ALX4: variants seen among roughly 807,000 people sequenced by gnomAD.
The protein encoded by ALX4 is ALX homeobox 4, also known as homeobox protein aristaless-like 4.
A neutral mutation model predicts 40.6 loss-of-function variants in ALX4; 22 were observed. The ratio of observed to expected loss-of-function variants is 0.54; its 90% CI spans 0.39 to 0.77. The LOEUF (loss-of-function observed/expected upper bound fraction) is 0.77, where lower values mean the gene tolerates loss of function less well. Ranked by LOEUF, ALX4 falls within the 30% of genes least tolerant of loss-of-function variation. The probability of loss-of-function intolerance (pLI) is 0.00; values close to 1 mark genes in which losing one functional copy is unlikely to be tolerated. For synonymous variants in ALX4, 266 were observed against 240.5 expected (o/e 1.11, Z -0.98); for missense variants, 556 against 564.8 (o/e 0.98, Z 0.16).
chr11:44,285,511 CA>C (rs1413180718), intron 1 of ALX4, among the ~76,000 whole-genome samples: 2 of 152,146 alleles, frequency 1.3e-5, no homozygotes, highest in Non-Finnish European at 2.9e-5. Context: ...ATATGAAGTT[CA>C]ATTATCCACA....
At chr11:44,283,505 G>A (rs1346313740) in intron 1 of ALX4, among the ~76,000 whole-genome samples, 1 of 152,178 alleles carries the variant, frequency 6.6e-6, no homozygotes, top group African/African-American at 2.4e-5. Flanking sequence ...ATAGGGGATT[G>A]GTTAAATAAA....
At chr11:44,286,335 G>A (rs1393112810) in intron 1 of ALX4, among the ~76,000 whole-genome samples, 2 of 152,192 alleles carry the variant, frequency 1.3e-5, no homozygotes, top group Non-Finnish European at 2.9e-5. Flanking sequence ...GGAGGGGTAT[G>A]AGAAGAGGAG....
rs145322526 is a variant in ALX4, at chr11:44,267,929, C to T, written c.778-307G>A. ...GTGTCACCACCTATAAAACAAGTCA[C>T]TGGTCATCTTAGCAGTCATCTAAGC... On this transcript the variant is annotated intron_variant, in intron 2 of 3. Coordinates refer to ENST00000652299, the MANE Select transcript of ALX4 (RefSeq NM_021926.4). 9.2e-5 allele frequency among the ~76,000 whole-genome samples: 14 copies of T among 152,340 alleles called. No homozygotes were observed. The East Asian group carries it at 1.3e-3, about 15-fold the overall frequency.
chr11:44,272,834 T>A (rs1424257417), intron 2 of ALX4, among the ~76,000 whole-genome samples: 1 of 150,792 alleles, frequency 6.6e-6, no homozygotes, highest in East Asian at 1.9e-4. Context: ...AAAAAAAAAA[T>A]GGCAGGCTGC....
intron 1 of ALX4, among the ~76,000 whole-genome samples, chr11:44,304,271 G>C (rs1008798937): frequency 6.6e-6 from 1 of 152,250 alleles, no homozygotes; most frequent in Admixed American, 6.5e-5. Flanking sequence ...CCTGGCAGGC[G>C]ACGTCCGGGT....
At chr11:44,297,444 G>A (rs554242452) in intron 1 of ALX4, among the ~76,000 whole-genome samples, 11 of 152,266 alleles carry the variant, frequency 7.2e-5, no homozygotes, top group South Asian at 2.1e-4. Flanking sequence ...GGGGCCAGGC[G>A]CGGTGGCTTA....
chr11:44,295,508 G>A (rs902077382), intron 1 of ALX4, among the ~76,000 whole-genome samples: 2 of 152,240 alleles, frequency 1.3e-5, no homozygotes, highest in African/African-American at 4.8e-5. Context: ...AGGGGAGCCG[G>A]GGACAGCTAC....
At chr11:44,297,523 G>A (rs1011005902) in intron 1 of ALX4, among the ~76,000 whole-genome samples, 5 of 151,962 alleles carry the variant, frequency 3.3e-5, no homozygotes, top group African/African-American at 9.7e-5. Context: ...TTCAAGACCA[G>A]CCTGGGCAGC....
intron 1 of ALX4, among the ~76,000 whole-genome samples, chr11:44,297,278 G>C (rs1956408217): frequency 6.6e-6 from 1 of 152,132 alleles, no homozygotes; most frequent in African/African-American, 2.4e-5. Flanking sequence ...ACAATAAAAA[G>C]TTCATTCTTA....
Position 44,302,995 on chromosome 11 carries a change from G to A in ALX4, c.466+6602C>T, listed in dbSNP as rs184720621. 5.0e-4 allele frequency among the ~76,000 whole-genome samples: 76 copies of A among 152,280 alleles called. No homozygotes were observed. The East Asian group carries it at 0.012, about 23-fold the overall frequency. ...CCCGGAGCAGAACATACTTCTCCAA[G>A]GCCATGGAGGAGTAGAGAATGCAAA... On this transcript the variant is annotated intron_variant, in intron 1 of 3. Coordinates refer to ENST00000652299, the MANE Select transcript of ALX4 (RefSeq NM_021926.4).
rs1247413232 is a variant in ALX4, at chr11:44,267,504, T to C, written c.896A>G (p.Asn299Ser). Residue 299 changes from asparagine to serine, a missense_variant, in exon 3 of 4, where the codon AAC becomes AGC. Transcript: ENST00000652299. Reference protein sequence around the residue: ...YELPLLTRAENYAQIQNPSWL... With the variant: ...YELPLLTRAESYAQIQNPSWL... ...CAGGGCGGGACTTACCTGGGCGTAGTTCTCAGCTCGGGTGAGGAGGGGCAG... is the reference window on the plus strand; with the variant it reads ...CAGGGCGGGACTTACCTGGGCGTAGCTCTCAGCTCGGGTGAGGAGGGGCAG... The C allele has an allele frequency of 1.2e-6, 2 of 1,613,960 alleles. No homozygotes were observed. Among genetic ancestry groups the C allele is most frequent in the Non-Finnish European group, 1.7e-6 (2 of 1,179,996 alleles).
At chr11:44,301,653 G>A (rs111813792) in intron 1 of ALX4, among the ~76,000 whole-genome samples, 3 of 152,184 alleles carry the variant, frequency 2.0e-5, no homozygotes, top group Non-Finnish European at 4.4e-5. Context: ...TGCAGGAGTC[G>A]CATCCAACAA....
chr11:44,275,208 C>G, intron 2 of ALX4, 140 bp downstream of exon 2: 1 of 858,524 alleles, frequency 1.2e-6, no homozygotes, highest in Non-Finnish European at 1.9e-6. Flanking sequence ...GCTAGGAGCC[C>G]CCACTTTCAG....
intron 1 of ALX4, 74 bp from the exon 2 acceptor site, chr11:44,275,732 T>C: frequency 6.8e-7 from 1 of 1,471,610 alleles, no homozygotes; most frequent in South Asian, 1.3e-5. Flanking sequence ...AGGGGGAGAG[T>C]GGGGCACTCG....
chr11:44,309,813 G>T lies in ALX4; in HGVS notation c.250C>A (p.Arg84=). The T allele has an allele frequency of 1.3e-6, 2 of 1,552,080 alleles. No individual in the cohort carries two copies. The highest frequency in any genetic ancestry group is 1.2e-5 in the South Asian group (1 of 84,290). ...GGCTGGAACTTGTTAAAGGAGCCCC[G>T]CGCCCCAGCTCCACTCTCCAGGGGT... is the stretch of plus-strand genomic sequence containing the variant. ...ATPLESGAGA[R]GSFNKFQPQP... The change falls in exon 1 of 4, where the codon CGG becomes AGG. Residue 84 remains arginine, a synonymous_variant. Coordinates refer to ENST00000652299, the MANE Select transcript of ALX4 (RefSeq NM_021926.4).
intron 2 of ALX4, among the ~76,000 whole-genome samples, chr11:44,271,810 C>T (rs1448489828): frequency 1.3e-5 from 2 of 152,088 alleles, no homozygotes; most frequent in Admixed American, 1.3e-4. Context: ...GTACTCAAGG[C>T]GTCATTCTTC....
At chr11:44,271,691 G>C (rs1427199554) in intron 2 of ALX4, among the ~76,000 whole-genome samples, 1 of 152,154 alleles carries the variant, frequency 6.6e-6, no homozygotes, top group Non-Finnish European at 1.5e-5. Context: ...TTTGGAAGTA[G>C]GTATAAGTGT....
intron 1 of ALX4, among the ~76,000 whole-genome samples, chr11:44,283,161 C>T (rs1956319644): frequency 6.6e-6 from 1 of 150,988 alleles, no homozygotes; most frequent in South Asian, 2.1e-4. Context: ...GCAGGAGAAT[C>T]GCTTGAACAC....
intron 1 of ALX4, among the ~76,000 whole-genome samples, chr11:44,292,443 C>T (rs970133385): frequency 7.1e-6 from 1 of 141,704 alleles, no homozygotes; most frequent in African/African-American, 2.6e-5. Flanking sequence ...TGGTCTCAAA[C>T]TCCTGGATTC....
Sources: gnomAD v4.1 joint callset for allele counts (sites outside exome capture counted in the v4.1 genomes callset) on GRCh38, gnomAD v4.1.1 for gene constraint, MANE v1.5 for transcripts, NCBI Gene and HGNC (gene_info 2026-07-23, HGNC 2026-07-21) for gene names.